Variants in EBF2 observed in about 807,000 individuals in gnomAD.
The protein encoded by EBF2 is transcription factor COE2.
Under a neutral mutation model 72.8 loss-of-function variants are expected in EBF2, and 21 were observed. The ratio of observed to expected loss-of-function variants is 0.29; its 90% confidence interval spans 0.20 to 0.42. The LOEUF (loss-of-function observed/expected upper bound fraction) is 0.42. Ranked by LOEUF, EBF2 falls within the 10% of genes least tolerant of loss-of-function variation. EBF2 has a pLI of 1.00. For synonymous variants in EBF2, 299 were observed against 274.2 expected (o/e 1.09, Z -0.89); for missense variants, 637 against 731.2 (o/e 0.87, Z 1.49).
chr8:25,959,292 C>A (rs1803997423), intron 6 of EBF2, among the ~76,000 whole-genome samples: 1 of 152,196 alleles, frequency 6.6e-6, no homozygotes. Flanking sequence ...GCAACTTCTG[C>A]CTCCCAGTTT....
intron 11 of EBF2, among the ~76,000 whole-genome samples, chr8:25,862,358 G>T (rs117483611): frequency 2.0e-5 from 3 of 152,128 alleles, no homozygotes; most frequent in Non-Finnish European, 4.4e-5. Context: ...GTGGATTAAT[G>T]AGTCCTTGCA....
intron 6 of EBF2, among the ~76,000 whole-genome samples, chr8:25,965,192 T>G (rs1234702956): frequency 6.6e-6 from 1 of 152,228 alleles, no homozygotes; most frequent in Non-Finnish European, 1.5e-5. Flanking sequence ...GCCACTGAAT[T>G]AATCACAGCC....
intron 15 of EBF2, among the ~76,000 whole-genome samples, chr8:25,849,458 G>A (rs937725556): frequency 2.0e-4 from 30 of 152,164 alleles, no homozygotes; most frequent in African/African-American, 7.2e-4. Flanking sequence ...CCCATCCAAG[G>A]TTCCCCATCA....
intron 6 of EBF2, among the ~76,000 whole-genome samples, chr8:25,909,668 G>T (rs779170110): frequency 7.2e-5 from 11 of 152,148 alleles, no homozygotes; most frequent in Non-Finnish European, 1.3e-4. Flanking sequence ...TCATTGCGAC[G>T]TTCTGATTTT....
chr8:26,012,440 C>A (rs746841253), intron 6 of EBF2, among the ~76,000 whole-genome samples: 1 of 152,186 alleles, frequency 6.6e-6, no homozygotes, highest in African/African-American at 2.4e-5. Flanking sequence ...AATTGAAAAT[C>A]ATTTCAGTAA....
chr8:25,898,011 G>T (rs1374586343), intron 7 of EBF2, among the ~76,000 whole-genome samples: 2 of 152,112 alleles, frequency 1.3e-5, no homozygotes, highest in South Asian at 2.1e-4. Context: ...ACCCCTAGGC[G>T]CTCTGCTACA....
At chr8:25,854,911 G>A (rs1003634795) in intron 14 of EBF2, among the ~76,000 whole-genome samples, 3 of 152,184 alleles carry the variant, frequency 2.0e-5, no homozygotes, top group South Asian at 2.1e-4. Flanking sequence ...CTTCCTGCCT[G>A]TATGGATTCT....
chr8:26,006,874 C>T (rs1386206671), intron 6 of EBF2, among the ~76,000 whole-genome samples: 1 of 152,208 alleles, frequency 6.6e-6, no homozygotes, highest in African/African-American at 2.4e-5. Context: ...TTGATTCATA[C>T]TTTTTGGTCA....
At chr8:25,849,657 C>G (rs73677221) in intron 15 of EBF2, among the ~76,000 whole-genome samples, 1 of 85,474 alleles carries the variant, frequency 1.2e-5, no homozygotes, top group Non-Finnish European at 2.2e-5. Flanking sequence ...TTGCTGTCTG[C>G]TGCCCTCCAT....
At chr8:26,005,997 G>A (rs1003038598) in intron 6 of EBF2, among the ~76,000 whole-genome samples, 9 of 151,864 alleles carry the variant, frequency 5.9e-5, no homozygotes, top group East Asian at 3.9e-4. Context: ...CCTCCCCAGC[G>A]CAAGAAAAAA....
At chr8:25,897,414 G>T (rs978796148) in intron 7 of EBF2, among the ~76,000 whole-genome samples, 15 of 151,588 alleles carry the variant, frequency 9.9e-5, no homozygotes, top group African/African-American at 3.6e-4. Context: ...TTTATTACAC[G>T]AGTATGTTGT....
intron 6 of EBF2, among the ~76,000 whole-genome samples, chr8:25,920,707 ATT>A (rs33940063): frequency 0.011 from 1,695 of 150,528 alleles, 37 homozygotes; most frequent in African/African-American, 0.039. Context: ...TGGCTAATGG[ATT>A]TTTTTTTTTC....
At chr8:26,031,036 A>G (rs17818622) in intron 6 of EBF2, among the ~76,000 whole-genome samples, 14,088 of 152,310 alleles carry the variant, frequency 0.092, 709 homozygotes, top group South Asian at 0.13. Context: ...TGCTTAGTGC[A>G]GAGCCATTAA....
chr8:25,852,203 G>A (rs920818573), intron 14 of EBF2, among the ~76,000 whole-genome samples: 2 of 152,084 alleles, frequency 1.3e-5, no homozygotes, highest in African/African-American at 4.8e-5. Context: ...AACACTGTTG[G>A]GCTAATTCAC....
Position 25,880,941 on chromosome 8 carries a change from C to A in EBF2, c.1009+5814G>T, listed in dbSNP as rs551056510. 2.6e-5 allele frequency among the ~76,000 whole-genome samples: 4 copies of A among 152,296 alleles called. No individual in the cohort carries two copies. The South Asian group carries it at 6.2e-4, about 24-fold the overall frequency. ...CCCACCCAATTTTTCAACTCTGAAACATGAGTGTCGTCCCCTCCTTCCCCT... is the reference window on the plus strand; with the variant it reads ...CCCACCCAATTTTTCAACTCTGAAAAATGAGTGTCGTCCCCTCCTTCCCCT... On this transcript the variant is annotated intron_variant, in intron 10 of 15. Transcript: ENST00000520164.
chr8:25,991,115 A>G (rs1038172937), intron 6 of EBF2, among the ~76,000 whole-genome samples: 5 of 114,702 alleles, frequency 4.4e-5, no homozygotes, highest in South Asian at 2.8e-4. Context: ...TGAAAAAAAT[A>G]AAAAAAAAGG....
intron 6 of EBF2, among the ~76,000 whole-genome samples, chr8:25,949,297 T>C (rs558145725): frequency 1.2e-4 from 18 of 152,352 alleles, no homozygotes; most frequent in Admixed American, 9.8e-4. Context: ...AACTGCTACG[T>C]CATGCTGTCT....
At chr8:26,000,141 G>A (rs928877280) in intron 6 of EBF2, among the ~76,000 whole-genome samples, 1 of 152,134 alleles carries the variant, frequency 6.6e-6, no homozygotes, top group Non-Finnish European at 1.5e-5. Flanking sequence ...TGGCATTTGA[G>A]TCCTTACTCC....
At chr8:25,937,935 T>C (rs949303211) in intron 6 of EBF2, among the ~76,000 whole-genome samples, 1 of 151,718 alleles carries the variant, frequency 6.6e-6, no homozygotes, top group Admixed American at 6.6e-5. Flanking sequence ...TCGCTTTACC[T>C]CCATACTACA....
Sources: allele counts gnomAD v4.1 joint callset (sites outside exome capture counted in the v4.1 genomes callset), GRCh38; gene constraint gnomAD v4.1.1; transcripts MANE v1.5; gene names NCBI Gene and HGNC (gene_info 2026-07-23, HGNC 2026-07-21).